PRKCE: variants seen among roughly 807,000 people sequenced by gnomAD.
PRKCE encodes protein kinase C epsilon type.
In PRKCE, 16 loss-of-function variants were observed where a neutral mutation model predicts 85.4. The ratio of observed to expected loss-of-function variants is 0.19; its 90% confidence interval spans 0.13 to 0.28. The LOEUF (loss-of-function observed/expected upper bound fraction) is 0.28, where lower values mean the gene tolerates loss of function less well. Ranked by LOEUF, PRKCE falls within the 10% of genes least tolerant of loss-of-function variation. The pLI, the probability that PRKCE is intolerant of heterozygous loss-of-function variation, is 1.00. For synonymous variants in PRKCE, 388 were observed against 371.5 expected, an observed-to-expected ratio of 1.04 and a Z score of -0.51; for missense variants, 573 against 975.2, an observed-to-expected ratio of 0.59 and a Z score of 5.49.
chr2:46,184,725 CT>C lies in PRKCE; in HGVS notation c.2068-8del. On this transcript the variant is annotated splice_polypyrimidine_tract_variant and intron_variant, in intron 14 of 14. Coordinates refer to ENST00000306156, the MANE Select transcript of PRKCE (RefSeq NM_005400.3). This position sits in a 1 kb window ranked among gnomAD's most constrained non-coding sequence, Gnocchi z 5.0. The stretch of plus-strand genomic sequence containing the variant: ...GCCTCAACTCACCACTTTCTCTTTT[CT>C]TCCCACAGAAAACCAAAAGAGACGT... The C allele has an allele frequency of 2.5e-6, 4 of 1,599,244 alleles. No homozygotes were observed. The South Asian group carries it at 4.4e-5, about 18-fold the overall frequency.
intron 10 of PRKCE, among the ~76,000 whole-genome samples, chr2:46,046,116 G>T (rs1404804231): frequency 6.6e-6 from 1 of 152,196 alleles, no homozygotes; most frequent in Non-Finnish European, 1.5e-5. Flanking sequence ...AGAGAGGCCA[G>T]TGCCCCTGCT....
At chr2:45,723,629 G>A (rs1231273386) in intron 1 of PRKCE, among the ~76,000 whole-genome samples, 1 of 150,642 alleles carries the variant, frequency 6.6e-6, no homozygotes, top group African/African-American at 2.4e-5. Flanking sequence ...TTTTGAGACG[G>A]AGTTTCACTC....
At position 45,897,517 on chromosome 2, in the gene PRKCE, A is replaced by G. The variant is rs546485163; in HGVS notation, c.412+54454A>G. Reference sequence around the variant, plus strand: ...TTATGTAGGTCAAATGGATGAAAGAATAGTTAGTGTTACAGAACAGAATGC... The same window carrying G: ...TTATGTAGGTCAAATGGATGAAAGAGTAGTTAGTGTTACAGAACAGAATGC... On this transcript the variant is annotated intron_variant, in intron 2 of 14. Transcript: ENST00000306156. 1.8e-4 allele frequency among the ~76,000 whole-genome samples: 27 copies of G among 152,368 alleles called. No individual in the cohort carries two copies. The South Asian group carries it at 5.6e-3, about 32-fold the overall frequency.
At chr2:45,684,243 G>A (rs1677116396) in intron 1 of PRKCE, among the ~76,000 whole-genome samples, 2 of 152,308 alleles carry the variant, frequency 1.3e-5, no homozygotes, top group South Asian at 4.1e-4. Context: ...CCTTTTTCAG[G>A]AAATTTGTAT....
intron 10 of PRKCE, among the ~76,000 whole-genome samples, chr2:46,074,429 C>CAAAAAAAAAAAAAAAAAAAAAAA (rs11287357): frequency 5.2e-4 from 49 of 93,756 alleles, no homozygotes; most frequent in Non-Finnish European, 5.9e-4. Flanking sequence ...CAACAACAAC[C>CAAAAAAAAAAAAAAAAAAAAAAA]AAAAAAAAAA....
rs1411987579 is a variant in PRKCE at position 45,774,139 on chromosome 2, C to T, written c.349-68861C>T. On this transcript the variant is annotated intron_variant, in intron 1 of 14. Transcript: ENST00000306156. This position sits in a 1 kb window ranked among gnomAD's most constrained non-coding sequence, Gnocchi z 4.3. ...TGGAGAGATGGGGGCTGGAGGGAGC[C>T]AGGGACTTGTCATCCTGGGAGTTCC... Among the ~76,000 whole-genome samples, 1 of 152,130 alleles carries T rather than the reference C, an allele frequency of 6.6e-6. No homozygotes were observed. Among genetic ancestry groups the T allele is most frequent in the Non-Finnish European group, 1.5e-5 (1 of 68,008 alleles).
At chr2:45,763,038 G>A (rs997996901) in intron 1 of PRKCE, among the ~76,000 whole-genome samples, 23 of 151,142 alleles carry the variant, frequency 1.5e-4, no homozygotes, top group Middle Eastern at 3.2e-3. Flanking sequence ...TGCAAGCTCC[G>A]CCTCCTGGGT....
intron 10 of PRKCE, among the ~76,000 whole-genome samples, chr2:46,065,273 A>AG (rs1340215651): frequency 6.6e-6 from 1 of 152,068 alleles, no homozygotes; most frequent in Non-Finnish European, 1.5e-5. Context: ...TTCAGGGGCC[A>AG]GGGAGTGTGT....
intron 14 of PRKCE, among the ~76,000 whole-genome samples, chr2:46,162,223 T>G (rs1677845045): frequency 6.6e-6 from 1 of 152,060 alleles, no homozygotes; most frequent in Non-Finnish European, 1.5e-5. Context: ...TGCCTGGATG[T>G]CTAGAGCAAA....
At position 46,155,123 on chromosome 2, in the gene PRKCE, A is replaced by G. The variant is rs1205828168; in HGVS notation, c.1920+3894A>G. On this transcript the variant is annotated intron_variant, in intron 13 of 14. Coordinates refer to ENST00000306156, the MANE Select transcript of PRKCE (RefSeq NM_005400.3). The surrounding 1 kb of genome is among the most constrained non-coding windows in gnomAD (Gnocchi z 4.7). Reference sequence around the variant, plus strand: ...GGGGCAGGGTAAACGGAGACCCCTCATGATCCCCCAGCAGCAACGAGGACT... The same window carrying G: ...GGGGCAGGGTAAACGGAGACCCCTCGTGATCCCCCAGCAGCAACGAGGACT... 6.6e-6 allele frequency among the ~76,000 whole-genome samples: 1 copy of G among 152,230 alleles called. No individual in the cohort carries two copies. The highest frequency in any genetic ancestry group is 1.5e-5 in the Non-Finnish European group (1 of 68,030).
intron 2 of PRKCE, among the ~76,000 whole-genome samples, chr2:45,919,223 C>T (rs904167351): frequency 1.2e-4 from 18 of 152,154 alleles, no homozygotes; most frequent in African/African-American, 3.1e-4. Context: ...TGATGCCGTA[C>T]GGACAACCTG....
intron 2 of PRKCE, among the ~76,000 whole-genome samples, chr2:45,875,810 A>G (rs898184776): frequency 9.2e-5 from 14 of 152,124 alleles, no homozygotes; most frequent in African/African-American, 3.4e-4. Context: ...GAATTTGTAA[A>G]CTCATCACAG....
chr2:45,830,485 A>G (rs1364331202), intron 1 of PRKCE, among the ~76,000 whole-genome samples: 1 of 152,246 alleles, frequency 6.6e-6, no homozygotes, highest in Admixed American at 6.5e-5. Context: ...ATGGATATAT[A>G]TATGTATCAC....
intron 11 of PRKCE, among the ~76,000 whole-genome samples, chr2:46,129,938 G>A (rs1026081584): frequency 1.3e-5 from 2 of 152,220 alleles, no homozygotes; most frequent in African/African-American, 4.8e-5. Context: ...GGTTGTGGGT[G>A]TATATCTTAA....
intron 1 of PRKCE, among the ~76,000 whole-genome samples, chr2:45,696,343 A>G (rs549577667): frequency 1.3e-5 from 2 of 152,244 alleles, no homozygotes; most frequent in South Asian, 4.2e-4. Flanking sequence ...TTTAACAGGA[A>G]TAAAGCCTTT....
At chr2:46,163,359 T>C (rs147151110) in intron 14 of PRKCE, among the ~76,000 whole-genome samples, 8,458 of 87,030 alleles carry the variant, frequency 0.097, 309 homozygotes, top group East Asian at 0.15. Flanking sequence ...CACGGGGAAG[T>C]TGAGCTTCAT....
chr2:45,987,678 G>C (rs1574129261), intron 6 of PRKCE, among the ~76,000 whole-genome samples: 1 of 152,064 alleles, frequency 6.6e-6, no homozygotes, highest in East Asian at 1.9e-4. Context: ...CTCACAGTCT[G>C]TGGTTTACCT....
chr2:45,764,951 C>G (rs1293117022), intron 1 of PRKCE, among the ~76,000 whole-genome samples: 1 of 152,154 alleles, frequency 6.6e-6, no homozygotes, highest in African/African-American at 2.4e-5. Context: ...TCTCTCAGGT[C>G]TCTCCTTGAC....
intron 3 of PRKCE, 62 bp downstream of exon 3, chr2:45,976,650 G>T: frequency 1.9e-6 from 3 of 1,558,574 alleles, no homozygotes; most frequent in Non-Finnish European, 1.7e-6. Flanking sequence ...TCGGGGATGG[G>T]GTAGGGGAGA....
Sources: allele counts gnomAD v4.1 joint callset (sites outside exome capture counted in the v4.1 genomes callset), GRCh38; gene constraint gnomAD v4.1.1; non-coding constraint Gnocchi (gnomAD v3.1); transcripts MANE v1.5; gene names NCBI Gene and HGNC (gene_info 2026-07-23, HGNC 2026-07-21).